ZFPM1: variants seen among roughly 807,000 people sequenced by gnomAD.
ZFPM1 encodes the protein zinc finger protein, FOG family member 1.
In ZFPM1, 28 loss-of-function variants were observed where a neutral mutation model predicts 46.3. The observed-to-expected ratio is 0.60, with a 90% CI of 0.45 to 0.83. The LOEUF (loss-of-function observed/expected upper bound fraction) is 0.83, where lower values mean the gene tolerates loss of function less well. Among genes scored for constraint, ZFPM1 ranks in the 40% least tolerant of loss-of-function variants. The pLI is 0.00. For missense variants in ZFPM1, 1,878 were observed against 1,432.4 expected (o/e 1.31, Z -5.02); for synonymous variants, 957 against 675.9 (o/e 1.42, Z -6.45).
chr16:88,479,118 T>C (rs1022880089), intron 1 of ZFPM1, among the ~76,000 whole-genome samples: 6 of 152,140 alleles, frequency 3.9e-5, no homozygotes, highest in Non-Finnish European at 7.4e-5. Flanking sequence ...GGCTGCTTGA[T>C]GGATTGCGCG....
intron 1 of ZFPM1, among the ~76,000 whole-genome samples, chr16:88,475,830 G>A (rs552622010): frequency 3.9e-5 from 6 of 152,310 alleles, no homozygotes; most frequent in Admixed American, 6.5e-5. Flanking sequence ...TGGGACGCAC[G>A]CGTGCAGGAG....
In ZFPM1 at chr16:88,534,149, G is replaced by T; in HGVS notation, c.2191G>T (p.Ala731Ser). The change falls in exon 10 of 10, where the codon GCC (alanine) becomes TCC (serine). Residue 731 changes from alanine (A) to serine (S), a missense_variant. By Grantham distance (99) the Ala-to-Ser change is moderately conservative (BLOSUM62 1). Coordinates refer to ENST00000319555, the MANE Select transcript of ZFPM1 (RefSeq NM_153813.3). ...ACCCCCTGGGCCGGCCGCGCCCCCGGCCCCCTCTCCCGCCGCGCCTGTGCG... is the reference window on the plus strand; with the variant it reads ...ACCCCCTGGGCCGGCCGCGCCCCCGTCCCCCTCTCCCGCCGCGCCTGTGCG... ...PGPPGPAAPP[A>S]PSPAAPVRTR... 1.0e-6 allele frequency: 1 copy of T among 1,004,694 alleles called. No homozygotes were observed. The highest frequency in any genetic ancestry group is 1.2e-6 in the Non-Finnish European group (1 of 846,630). The allele number at this position is 1,004,694 out of a possible 1,614,324, so 62.2% of individuals were successfully genotyped here.
intron 1 of ZFPM1, among the ~76,000 whole-genome samples, chr16:88,467,570 C>T (rs570658687): frequency 3.3e-4 from 51 of 152,314 alleles, no homozygotes; most frequent in South Asian, 8.3e-4. Flanking sequence ...ACCGCGAGAC[C>T]TGCCTTGCAG....
At chr16:88,530,957 G>GGCAGAGGTGGCGAGCAGGCC (rs1042388817) in intron 6 of ZFPM1, 6 of 152,346 alleles carry the variant, frequency 3.9e-5, no homozygotes, top group Non-Finnish European at 8.8e-5. Context: ...CCTCCCAAGA[G>GGCAGAGGTGGCGAGCAGGCC]GCAGAGGTGG....
At chr16:88,527,576 C>T (rs1013742222) in intron 5 of ZFPM1, among the ~76,000 whole-genome samples, 2 of 152,110 alleles carry the variant, frequency 1.3e-5, no homozygotes, top group African/African-American at 2.4e-5. Context: ...AGCCCGGGCG[C>T]CCCAGGTGAA....
intron 3 of ZFPM1, among the ~76,000 whole-genome samples, chr16:88,507,163 A>T (rs1182158801): frequency 6.6e-6 from 1 of 152,010 alleles, no homozygotes; most frequent in East Asian, 1.9e-4. Flanking sequence ...CGATCAGAGG[A>T]CCTGGGCTCG....
At chr16:88,505,374 C>G (rs946223610) in intron 3 of ZFPM1, among the ~76,000 whole-genome samples, 2 of 152,214 alleles carry the variant, frequency 1.3e-5, no homozygotes, top group African/African-American at 4.8e-5. Flanking sequence ...CCCTCCTCCT[C>G]CAAACACAGG....
rs551300827 is a variant in ZFPM1, at chr16:88,471,295, G to A, written c.41-14644G>A. Among the ~76,000 whole-genome samples, 21 of 152,386 alleles carry A rather than the reference G, an allele frequency of 1.4e-4. No individual in the cohort carries two copies. Among genetic ancestry groups the A allele is most frequent in the East Asian group, 1.9e-4 (1 of 5,186 alleles). On this transcript the variant is annotated intron_variant, in intron 1 of 9. Transcript: ENST00000319555. The surrounding 1 kb of genome is among the most constrained non-coding windows in gnomAD (Gnocchi z 4.1). ...GACCTCCACCCTCGCGAAGGCCAGC[G>A]GCCGCAGGGTCTGGCTTGGGCTATA...
intron 4 of ZFPM1, among the ~76,000 whole-genome samples, chr16:88,515,279 C>T (rs927771403): frequency 6.6e-6 from 1 of 152,174 alleles, no homozygotes; most frequent in Admixed American, 6.5e-5. Context: ...AGCGGGCAGA[C>T]GCATGTCCCA....
In ZFPM1 at chr16:88,526,910, A is replaced by G; in HGVS notation, c.499A>G (p.Arg167Gly). ...TEAEANTEIH[R>G]KDDALWCRVT... is the part of the protein sequence containing the mutation. ...GGCCGAGGCCAACACAGAGATCCAC[A>G]GGAAGGGTCAGTATGACGCGGCACC... is the stretch of plus-strand genomic sequence containing the variant. The change falls in exon 5 of 10, where the codon AGG becomes GGG. Residue 167 changes from arginine to glycine, a missense_variant. Coordinates refer to ENST00000319555, the MANE Select transcript of ZFPM1 (RefSeq NM_153813.3). 6.4e-7 allele frequency: 1 copy of G among 1,572,204 alleles called. No individual in the cohort carries two copies. The highest frequency in any genetic ancestry group is 8.6e-7 in the Non-Finnish European group (1 of 1,158,630).
intron 4 of ZFPM1, among the ~76,000 whole-genome samples, chr16:88,525,915 A>G (rs1207986521): frequency 1.3e-5 from 2 of 152,156 alleles, no homozygotes; most frequent in Non-Finnish European, 2.9e-5. Flanking sequence ...TTTTCCTTCC[A>G]GACTTAGCCT....
chr16:88,513,819 G>T (rs891920141), intron 3 of ZFPM1, among the ~76,000 whole-genome samples: 2 of 152,178 alleles, frequency 1.3e-5, no homozygotes, highest in Non-Finnish European at 2.9e-5. Flanking sequence ...GGCTTCAGGC[G>T]ACCCTCATGG....
intron 1 of ZFPM1, among the ~76,000 whole-genome samples, chr16:88,477,979 G>A (rs1908759394): frequency 7.0e-6 from 1 of 143,570 alleles, no homozygotes; most frequent in South Asian, 2.5e-4. Flanking sequence ...GGAGAACAGG[G>A]AGAACAGACC....
Position 88,534,585 on chromosome 16 carries a change from C to T in ZFPM1, c.2627C>T (p.Ala876Val), listed in dbSNP as rs1254233695. Reference protein sequence around the residue: ...RGDLLEHFRLAHGLLLGAPLA... With the variant: ...RGDLLEHFRLVHGLLLGAPLA... The stretch of plus-strand genomic sequence containing the variant: ...GACCTGCTGGAGCATTTCCGCCTGG[C>T]GCACGGCCTGCTGCTCGGCGCGCCC... The change falls in exon 10 of 10, where the codon GCG becomes GTG. Residue 876 changes from alanine (A) to valine (V), a missense_variant. Ala to Val is a moderately conservative substitution (Grantham distance 64). Transcript: ENST00000319555. The T allele has an allele frequency of 8.7e-6, 11 of 1,265,086 alleles. No homozygotes were observed. The highest frequency in any genetic ancestry group is 6.1e-4 in the Middle Eastern group (2 of 3,290). The allele number at this position is 1,265,086 out of a possible 1,614,324, so 78.4% of individuals were successfully genotyped here. A position where few individuals can be genotyped will look rare whatever the true frequency, so the allele number is the denominator to read the frequency against.
At chr16:88,517,376 A>C (rs563484554) in intron 4 of ZFPM1, among the ~76,000 whole-genome samples, 2 of 138,248 alleles carry the variant, frequency 1.4e-5, no homozygotes, top group East Asian at 4.5e-4. Flanking sequence ...TGGGTGGATG[A>C]TGGGTGGATG....
intron 1 of ZFPM1, among the ~76,000 whole-genome samples, chr16:88,472,579 C>G (rs537444079): frequency 1.3e-5 from 2 of 152,310 alleles, no homozygotes; most frequent in East Asian, 3.9e-4. Flanking sequence ...GCCTCCATCT[C>G]CTGACCTCGT....
chr16:88,474,303 C>T (rs1459540531), intron 1 of ZFPM1, among the ~76,000 whole-genome samples: 3 of 152,206 alleles, frequency 2.0e-5, no homozygotes, highest in Admixed American at 2.0e-4. Context: ...AGGCTCAGGG[C>T]AGGGGGAGGA....
upstream of ZFPM1, among the ~76,000 whole-genome samples, chr16:88,452,909 C>T (rs865922618): frequency 2.0e-5 from 3 of 152,062 alleles, no homozygotes; most frequent in African/African-American, 2.4e-5. Context: ...ACATGACCTC[C>T]GGGCCAAAGA....
rs75112273 is a variant in ZFPM1 at position 88,516,209 on chromosome 16, G to A, written c.402+1689G>A. The A allele has an allele frequency of 6.3e-4, 253 of 398,632 alleles. 1 individual carries two copies. The highest frequency in any genetic ancestry group is 4.7e-3 in the African/African-American group (229 of 48,738). 24.7% of individuals were successfully genotyped at this position (398,632 alleles called of 1,614,324 possible). ...ATAGAACCCACATCTGCCTATCCCC[G>A]GAGACCCTCGCAAGCTCCTTAATGG... On this transcript the variant is annotated intron_variant, in intron 4 of 9. Coordinates refer to ENST00000319555, the MANE Select transcript of ZFPM1 (RefSeq NM_153813.3).
Sources: gnomAD v4.1 joint callset for allele counts (sites outside exome capture counted in the v4.1 genomes callset) on GRCh38, gnomAD v4.1.1 for gene constraint, Gnocchi (gnomAD v3.1) non-coding constraint, MANE v1.5 for transcripts, NCBI Gene and HGNC (gene_info 2026-07-23, HGNC 2026-07-21) for gene names.